The following LRP2 variants were observed in gnomAD, a reference collection of about 807,000 sequenced individuals.
LRP2 encodes the protein low-density lipoprotein receptor-related protein 2.
LRP2 carries 172 observed loss-of-function variants against 531.0 expected under a neutral mutation model. That is an observed-to-expected ratio of 0.32 (90% confidence interval 0.29 to 0.37). LRP2 has a LOEUF of 0.37. Among genes scored for constraint, LRP2 ranks in the 10% least tolerant of loss-of-function variants. The probability of loss-of-function intolerance (pLI) is 1.00; values close to 1 mark genes in which losing one functional copy is unlikely to be tolerated. For synonymous variants in LRP2, 1,992 were observed against 2,027.6 expected (o/e 0.98, Z 0.47); for missense variants, 5,167 against 5,868.3 (o/e 0.88, Z 3.90).
intron 68 of LRP2, among the ~76,000 whole-genome samples, chr2:169,149,701 G>A (rs560022996): frequency 6.6e-6 from 1 of 152,042 alleles, no homozygotes; most frequent in Admixed American, 6.6e-5. Context: ...GCCCAGTGTG[G>A]TGGTGGGTGC....
rs756999136 is a variant in LRP2, at chr2:169,246,995, G to T, written c.2909-9C>A. On this transcript the variant is annotated splice_polypyrimidine_tract_variant and intron_variant, in intron 20 of 78. Coordinates refer to ENST00000649046, the MANE Select transcript of LRP2 (RefSeq NM_004525.3). The stretch of plus-strand genomic sequence containing the variant: ...ATTACAGGCGTTAGAACCTGCAAAA[G>T]CAAAGCCCCGAGGGAGTCAGTCATG... 3 of 1,613,802 alleles carry T rather than the reference G, an allele frequency of 1.9e-6. No individual in the cohort carries two copies. Among genetic ancestry groups the T allele is most frequent in the Non-Finnish European group, 1.7e-6 (2 of 1,179,948 alleles).
intron 1 of LRP2, among the ~76,000 whole-genome samples, chr2:169,326,391 C>T (rs1360909465): frequency 1.3e-5 from 2 of 151,162 alleles, no homozygotes; most frequent in African/African-American, 2.4e-5. Flanking sequence ...GGTTTTCGTA[C>T]TTTTTTGGTG....
chr2:169,311,951 G>A (rs561669812), intron 3 of LRP2, among the ~76,000 whole-genome samples: 16 of 152,208 alleles, frequency 1.1e-4, no homozygotes, highest in Non-Finnish European at 1.8e-4. Flanking sequence ...TTACCATTAC[G>A]TAATGGCCTT....
At chr2:169,218,922 C>A (rs549785295) in intron 34 of LRP2, among the ~76,000 whole-genome samples, 1 of 152,152 alleles carries the variant, frequency 6.6e-6, no homozygotes, top group Non-Finnish European at 1.5e-5. Context: ...GCCCAAACCC[C>A]ACTGCCCATA....
In LRP2 at chr2:169,254,638, T is replaced by TATA. The variant is rs1289907140; in HGVS notation, c.2770+1465_2770+1467dup. Among the ~76,000 whole-genome samples, 13 of 23,174 alleles carry TATA rather than the reference T, an allele frequency of 5.6e-4. 2 individuals are homozygous for TATA. In the East Asian group the frequency reaches 0.019, roughly 33 times the overall value. 15.2% of individuals were successfully genotyped at this position (23,174 alleles called of 152,430 possible). A position where few individuals can be genotyped will look rare whatever the true frequency, so the allele number is the denominator to read the frequency against. Reference sequence around the variant, plus strand: ...TGCACATGTACCCTAAAACTTAGAGTATAATAAAAAAAAAAAAAAACAGCA... The same window carrying TATA: ...TGCACATGTACCCTAAAACTTAGAGTATAATAATAAAAAAAAAAAAAAACAGCA... On this transcript the variant is annotated intron_variant, in intron 19 of 78. Transcript: ENST00000649046.
At chr2:169,171,970 A>G in intron 58 of LRP2, 45 bp downstream of exon 58, 4 of 1,612,736 alleles carry the variant, frequency 2.5e-6, no homozygotes, top group Non-Finnish European at 1.7e-6. Context: ...AGCAAACATC[A>G]CAGCTCTGGT....
intron 22 of LRP2, 105 bp downstream of exon 22, chr2:169,244,588 A>G (rs1291220491): frequency 1.4e-6 from 2 of 1,444,620 alleles, no homozygotes; most frequent in East Asian, 2.3e-5. Flanking sequence ...TACTAAAGAG[A>G]CAATGAAAAT....
intron 35 of LRP2, among the ~76,000 whole-genome samples, chr2:169,215,774 GATCATATATAGA>G (rs1688764129): frequency 2.1e-5 from 3 of 145,570 alleles, no homozygotes; most frequent in Admixed American, 1.4e-4. Context: ...AATCTATATA[GATCATATATAGA>G]ATCTATATAG....
At chr2:169,163,220 T>C (rs1686653458) in intron 62 of LRP2, among the ~76,000 whole-genome samples, 1 of 152,218 alleles carries the variant, frequency 6.6e-6, no homozygotes, top group Non-Finnish European at 1.5e-5. Flanking sequence ...TTACTGAACC[T>C]GTCAATCATG....
chr2:169,276,433 T>G lies in LRP2; in HGVS notation c.1773-1195A>C, dbSNP rs562022440. On this transcript the variant is annotated intron_variant, in intron 13 of 78. Transcript: ENST00000649046. ...AAAGTTAGACTATATAATATAATGC[T>G]AAAACATCCCAAAGAGAAAAAATTT... 3.3e-5 allele frequency among the ~76,000 whole-genome samples: 5 copies of G among 152,328 alleles called. 1 individual carries two copies. Among genetic ancestry groups the G allele is most frequent in the African/African-American group, 1.2e-4 (5 of 41,584 alleles).
At chr2:169,299,031 A>G (rs960795317) in intron 4 of LRP2, among the ~76,000 whole-genome samples, 6 of 150,912 alleles carry the variant, frequency 4.0e-5, no homozygotes, top group African/African-American at 4.9e-5. Flanking sequence ...ATAAAACCAG[A>G]TTTATTAAAA....
intron 44 of LRP2, 91 bp from the exon 45 acceptor site, chr2:169,199,002 T>A: frequency 7.3e-7 from 1 of 1,374,138 alleles, no homozygotes; most frequent in Non-Finnish European, 1.0e-6. Flanking sequence ...ATTGTGGAAC[T>A]CAAACCACTG....
chr2:169,281,994 TA>T (rs1683716714), intron 10 of LRP2, among the ~76,000 whole-genome samples: 1 of 152,120 alleles, frequency 6.6e-6, no homozygotes, highest in Non-Finnish European at 1.5e-5. Flanking sequence ...GGGGAATAGT[TA>T]TGGAGGAAGG....
intron 33 of LRP2, among the ~76,000 whole-genome samples, chr2:169,224,314 G>C (rs1296323977): frequency 1.3e-5 from 2 of 152,150 alleles, no homozygotes; most frequent in African/African-American, 4.8e-5. Flanking sequence ...AAATTATTGT[G>C]AATTAATAAT....
At chr2:169,205,386 C>G (rs1258235597) in intron 41 of LRP2, 93 bp downstream of exon 41, 1 of 1,348,800 alleles carries the variant, frequency 7.4e-7, no homozygotes, top group Non-Finnish European at 1.1e-6. Flanking sequence ...ATCTGGCATG[C>G]TATATTTTCA....
chr2:169,197,557 C>T (rs762019120), intron 45 of LRP2, among the ~76,000 whole-genome samples: 4 of 152,190 alleles, frequency 2.6e-5, no homozygotes, highest in Non-Finnish European at 5.9e-5. Flanking sequence ...TATGTTTGAA[C>T]ATTGACTCTT....
rs1388729887 is a variant in LRP2 at position 169,308,398 on chromosome 2, G to C, written c.311-1001C>G. Among the ~76,000 whole-genome samples, 5 of 152,036 alleles carry C rather than the reference G, an allele frequency of 3.3e-5. No individual in the cohort carries two copies. The East Asian group carries it at 7.7e-4, about 23-fold the overall frequency. ...CTCCCCTACCCCACGACAGGACCCA[G>C]TTTGTGATGTTCCCCATCCTGTGTC... On this transcript the variant is annotated intron_variant, in intron 3 of 78. Coordinates refer to ENST00000649046, the MANE Select transcript of LRP2 (RefSeq NM_004525.3).
intron 1 of LRP2, among the ~76,000 whole-genome samples, chr2:169,334,576 A>G (rs1399241945): frequency 1.3e-5 from 2 of 152,150 alleles, no homozygotes; most frequent in Non-Finnish European, 2.9e-5. Context: ...TAAGAATACC[A>G]ATGGAAAAAG....
chr2:169,162,654 A>G (rs1686633762), intron 62 of LRP2, 54 bp from the exon 63 acceptor site: 1 of 1,566,356 alleles, frequency 6.4e-7, no homozygotes, highest in Non-Finnish European at 8.8e-7. Flanking sequence ...GAAGCAAGAT[A>G]CTTCCTTCTT....
Sources: gnomAD v4.1 joint callset for allele counts (sites outside exome capture counted in the v4.1 genomes callset) on GRCh38, gnomAD v4.1.1 for gene constraint, MANE v1.5 for transcripts, NCBI Gene and HGNC (gene_info 2026-07-23, HGNC 2026-07-21) for gene names.